The following KCNQ1 variants were observed in gnomAD, a reference collection of about 807,000 sequenced individuals.
KCNQ1 encodes potassium voltage-gated channel subfamily Q member 1, also known as potassium voltage-gated channel subfamily KQT member 1.
In KCNQ1, 49 loss-of-function variants were observed where a neutral mutation model predicts 72.4. The observed-to-expected ratio is 0.68, with a 90% CI of 0.54 to 0.86. The LOEUF is 0.86. Ranked by LOEUF, KCNQ1 falls within the 40% of genes least tolerant of loss-of-function variation. The pLI, the probability that KCNQ1 is intolerant of heterozygous loss-of-function variation, is 0.00. For missense variants in KCNQ1, 790 were observed against 945.1 expected (o/e 0.84, Z 2.15); for synonymous variants, 450 against 412.6 (o/e 1.09, Z -1.10).
In KCNQ1 at chr11:2,659,943, C is replaced by G. The variant is rs1172230187; in HGVS notation, c.1394-2018C>G. ...TCTTTATATATTCTGAGTGCAAGTCCTTGACCTGATAGGTGATATGCAAAT... is the reference window on the plus strand; with the variant it reads ...TCTTTATATATTCTGAGTGCAAGTCGTTGACCTGATAGGTGATATGCAAAT... On this transcript the variant is annotated intron_variant, in intron 10 of 15. Transcript: ENST00000155840. This position sits in a 1 kb window ranked among gnomAD's most constrained non-coding sequence, Gnocchi z 4.3. The G allele has an allele frequency of 1.3e-5, 5 of 398,210 alleles. No individual in the cohort carries two copies. Among genetic ancestry groups the G allele is most frequent in the African/African-American group, 1.0e-4 (5 of 48,580 alleles). 24.7% of individuals were successfully genotyped at this position (398,210 alleles called of 1,614,324 possible).
chr11:2,717,096 G>C (rs1451671860), intron 11 of KCNQ1, among the ~76,000 whole-genome samples: 1 of 152,192 alleles, frequency 6.6e-6, no homozygotes, highest in Non-Finnish European at 1.5e-5. Flanking sequence ...CCGGGGCTCT[G>C]CTCAGGGACC....
chr11:2,452,132 C>T (rs1319467365), intron 1 of KCNQ1, among the ~76,000 whole-genome samples: 1 of 152,044 alleles, frequency 6.6e-6, no homozygotes, highest in Non-Finnish European at 1.5e-5. Context: ...TCTTAGCTTT[C>T]CCTCCATATC....
intron 2 of KCNQ1, among the ~76,000 whole-genome samples, chr11:2,533,032 A>C (rs962013821): frequency 2.0e-5 from 3 of 152,282 alleles, no homozygotes; most frequent in Admixed American, 6.5e-5. Context: ...GGGAGCCCAA[A>C]CCACAGCCTT....
intron 11 of KCNQ1, among the ~76,000 whole-genome samples, chr11:2,733,849 C>CTCTCTCACTCTT (rs1845904257): frequency 2.8e-5 from 1 of 35,196 alleles, no homozygotes; most frequent in Non-Finnish European, 5.7e-5. Context: ...CTCTCTCTCT[C>CTCTCTCACTCTT]TCTCTCTCCC....
intron 12 of KCNQ1, among the ~76,000 whole-genome samples, chr11:2,775,630 C>T (rs1358488194): frequency 6.6e-6 from 1 of 152,168 alleles, no homozygotes; most frequent in East Asian, 1.9e-4. Context: ...GCCAGCTCTT[C>T]CTGAAGCCAT....
chr11:2,625,351 G>A (rs1849245708), intron 10 of KCNQ1: 2 of 398,546 alleles, frequency 5.0e-6, no homozygotes, highest in African/African-American at 2.1e-5. Flanking sequence ...AGACCTCTGG[G>A]CTTAGGCTAT....
In KCNQ1 at chr11:2,698,884, G is replaced by A. The variant is rs1233683488; in HGVS notation, c.1514+36803G>A. ...GACTGACTGGGACCCCAACTACTCAGATCCCAACTCAGGCAAACTCCCAGC... is the reference window on the plus strand; with the variant it reads ...GACTGACTGGGACCCCAACTACTCAAATCCCAACTCAGGCAAACTCCCAGC... On this transcript the variant is annotated intron_variant, in intron 11 of 15. Transcript: ENST00000155840. This position sits in a 1 kb window ranked among gnomAD's most constrained non-coding sequence, Gnocchi z 5.1. 1 of 398,648 alleles carries A rather than the reference G, an allele frequency of 2.5e-6. No individual in the cohort carries two copies. Among genetic ancestry groups the A allele is most frequent in the African/African-American group, 2.1e-5 (1 of 48,596 alleles). The allele number at this position is 398,648 out of a possible 1,614,324, so 24.7% of individuals were successfully genotyped here. A position where few individuals can be genotyped will look rare whatever the true frequency, so the allele number is the denominator to read the frequency against.
rs957329279 is a variant in KCNQ1 at position 2,515,470 on chromosome 11, C to A, written c.387-12458C>A. Among the ~76,000 whole-genome samples the A allele has an allele frequency of 6.7e-6, 1 of 150,280 alleles. No homozygotes were observed. Among genetic ancestry groups the A allele is most frequent in the African/African-American group, 2.4e-5 (1 of 41,358 alleles). On this transcript the variant is annotated intron_variant, in intron 1 of 15. Transcript: ENST00000155840. The surrounding 1 kb of genome is among the most constrained non-coding windows in gnomAD (Gnocchi z 4.7). ...CACCCGTCCCCGAGGCCCCTGCTGC[C>A]CAGCAAGACCACCACCCTCTGCTCC... is the stretch of plus-strand genomic sequence containing the variant.
chr11:2,812,733 C>T (rs753364357), intron 15 of KCNQ1, among the ~76,000 whole-genome samples: 4 of 152,188 alleles, frequency 2.6e-5, no homozygotes, highest in Non-Finnish European at 5.9e-5. Context: ...GGCACCCTTC[C>T]ATGGCCGTGG....
chr11:2,540,859 G>A (rs1847811739), intron 2 of KCNQ1, among the ~76,000 whole-genome samples: 1 of 152,342 alleles, frequency 6.6e-6, no homozygotes, highest in East Asian at 1.9e-4. Flanking sequence ...GTCCTGGGCG[G>A]CTGTGAGCTG....
chr11:2,835,645 C>T (rs990941789), intron 15 of KCNQ1, among the ~76,000 whole-genome samples: 4 of 152,160 alleles, frequency 2.6e-5, no homozygotes, highest in East Asian at 3.9e-4. Flanking sequence ...AGCACCACAG[C>T]GACGAGGGCC....
intron 11 of KCNQ1, chr11:2,688,034 A>G (rs1850521464): frequency 5.0e-6 from 2 of 398,552 alleles, no homozygotes; most frequent in African/African-American, 2.1e-5. Context: ...TTGGGCAGGC[A>G]CACACTCCAC....
chr11:2,636,796 C>G (rs1209394963), intron 10 of KCNQ1: 3 of 152,198 alleles, frequency 2.0e-5, no homozygotes, highest in African/African-American at 7.2e-5. Context: ...TAGAATTCGG[C>G]TGTGAATCCG....
rs752852881 is a variant in KCNQ1 at position 2,562,866 on chromosome 11, G to A, written c.478-7762G>A. On this transcript the variant is annotated intron_variant, in intron 2 of 15. Transcript: ENST00000155840. The surrounding 1 kb of genome is among the most constrained non-coding windows in gnomAD (Gnocchi z 7.5). The stretch of plus-strand genomic sequence containing the variant: ...TCGTATTTAATCTTCATCTTCCGCC[G>A]TCTTTAAAATTAATTTTCCTTTAAA... 3.9e-5 allele frequency among the ~76,000 whole-genome samples: 6 copies of A among 152,082 alleles called. No individual in the cohort carries two copies. Among genetic ancestry groups the A allele is most frequent in the Admixed American group, 1.3e-4 (2 of 15,268 alleles).
chr11:2,792,603 G>A (rs2134010784), intron 15 of KCNQ1, among the ~76,000 whole-genome samples: 1 of 152,306 alleles, frequency 6.6e-6, no homozygotes, highest in South Asian at 2.1e-4. Flanking sequence ...TGGATATCTA[G>A]AGGAAGAGCG....
At chr11:2,648,312 T>G (rs978622314) in intron 10 of KCNQ1, 6 of 398,516 alleles carry the variant, frequency 1.5e-5, no homozygotes, top group Non-Finnish European at 2.2e-5. Context: ...CCTTCTAATT[T>G]TAGGTTTGAT....
Position 2,817,384 on chromosome 11 carries a change from C to T in KCNQ1, c.1795-30383C>T, listed in dbSNP as rs1847638073. Among the ~76,000 whole-genome samples the T allele has an allele frequency of 6.6e-6, 1 of 152,108 alleles. No homozygotes were observed. The highest frequency in any genetic ancestry group is 1.5e-5 in the Non-Finnish European group (1 of 68,028). Reference sequence around the variant, plus strand: ...TTGCACCCCAGGAGGAGAATCACACCAGTGCCCCCTGACCCCCAGCCTTGT... The same window carrying T: ...TTGCACCCCAGGAGGAGAATCACACTAGTGCCCCCTGACCCCCAGCCTTGT... On this transcript the variant is annotated intron_variant, in intron 15 of 15. Coordinates refer to ENST00000155840, the MANE Select transcript of KCNQ1 (RefSeq NM_000218.3). This position sits in a 1 kb window ranked among gnomAD's most constrained non-coding sequence, Gnocchi z 6.1.
rs1449960851 is a variant in KCNQ1, at chr11:2,471,715, T to C, written c.386+26231T>C. ...GTGCATGTGTGTATAGGTGTGTGTATGTGTGCATGGGCGTGTGTATGTGTG... is the reference window on the plus strand; with the variant it reads ...GTGCATGTGTGTATAGGTGTGTGTACGTGTGCATGGGCGTGTGTATGTGTG... On this transcript the variant is annotated intron_variant, in intron 1 of 15. Transcript: ENST00000155840. The surrounding 1 kb of genome is among the most constrained non-coding windows in gnomAD (Gnocchi z 4.8). Among the ~76,000 whole-genome samples the C allele has an allele frequency of 2.1e-5, 3 of 144,090 alleles. No homozygotes were observed. The highest frequency in any genetic ancestry group is 4.4e-5 in the Non-Finnish European group (3 of 67,642). The allele number at this position is 144,090 out of a possible 152,430, so 94.5% of individuals were successfully genotyped here.
At position 2,750,115 on chromosome 11, in the gene KCNQ1, G is replaced by A. The variant is rs1388103091; in HGVS notation, c.1515-18729G>A. Among the ~76,000 whole-genome samples the A allele has an allele frequency of 1.3e-5, 2 of 152,230 alleles. No homozygotes were observed. The highest frequency in any genetic ancestry group is 2.9e-5 in the Non-Finnish European group (2 of 68,038). ...GGGGCATCTTGCTGGTGAAGCTGGG[G>A]AGAGACCTGCGCAACCCCACCTGAG... On this transcript the variant is annotated intron_variant, in intron 11 of 15. Coordinates refer to ENST00000155840, the MANE Select transcript of KCNQ1 (RefSeq NM_000218.3). The surrounding 1 kb of genome is among the most constrained non-coding windows in gnomAD (Gnocchi z 6.3).
Sources: gnomAD v4.1 joint callset for allele counts (sites outside exome capture counted in the v4.1 genomes callset) on GRCh38, gnomAD v4.1.1 for gene constraint, Gnocchi (gnomAD v3.1) non-coding constraint, MANE v1.5 for transcripts, NCBI Gene and HGNC (gene_info 2026-07-23, HGNC 2026-07-21) for gene names.